Variants in DGKI observed in about 807,000 individuals in gnomAD.
The protein encoded by DGKI is diacylglycerol kinase iota.
Under a neutral mutation model 147.5 loss-of-function variants are expected in DGKI, and 55 were observed. The ratio of observed to expected loss-of-function variants is 0.37; its 90% CI spans 0.30 to 0.47. DGKI has a LOEUF of 0.47. DGKI is among the 20% of genes least tolerant of loss of function. DGKI has a pLI of 1.00. For synonymous variants in DGKI, 469 were observed against 477.1 expected (o/e 0.98, Z 0.22); for missense variants, 1,007 against 1,323.8 (o/e 0.76, Z 3.71).
At chr7:137,497,827 G>A (rs1010830800) in intron 21 of DGKI, among the ~76,000 whole-genome samples, 1 of 152,058 alleles carries the variant, frequency 6.6e-6, no homozygotes, top group Non-Finnish European at 1.5e-5. Context: ...GAGAAGGAAC[G>A]TGACAATCAA....
At chr7:137,706,971 TTCA>T (rs1179153881) in intron 1 of DGKI, among the ~76,000 whole-genome samples, 1 of 152,242 alleles carries the variant, frequency 6.6e-6, no homozygotes, top group Non-Finnish European at 1.5e-5. Flanking sequence ...GACTCTCAAC[TTCA>T]CTGATTATGA....
intron 21 of DGKI, among the ~76,000 whole-genome samples, chr7:137,498,742 T>A (rs1299688427): frequency 6.6e-6 from 1 of 152,140 alleles, no homozygotes; most frequent in Non-Finnish European, 1.5e-5. Flanking sequence ...TCTGCCCCAA[T>A]AAAGTTGAAT....
intron 1 of DGKI, among the ~76,000 whole-genome samples, chr7:137,731,393 G>A (rs998732705): frequency 2.0e-5 from 3 of 152,038 alleles, no homozygotes; most frequent in Non-Finnish European, 2.9e-5. Flanking sequence ...TCTTTCCCCA[G>A]TATGTAGGCA....
chr7:137,452,498 G>T (rs2128921171), intron 27 of DGKI, among the ~76,000 whole-genome samples: 1 of 152,296 alleles, frequency 6.6e-6, no homozygotes, highest in South Asian at 2.1e-4. Context: ...ACTCCTTATT[G>T]TGAAGTTCTT....
At chr7:137,537,252 TTA>T (rs1817551211) in intron 20 of DGKI, among the ~76,000 whole-genome samples, 1 of 152,096 alleles carries the variant, frequency 6.6e-6, no homozygotes. Flanking sequence ...GCTCAGAAGT[TTA>T]GAGAGCAAAT....
At chr7:137,624,901 C>T (rs530496624) in intron 6 of DGKI, among the ~76,000 whole-genome samples, 4 of 152,068 alleles carry the variant, frequency 2.6e-5, no homozygotes, top group East Asian at 3.9e-4. Context: ...CCATCTCGCC[C>T]GGCCTTCTCT....
chr7:137,703,112 T>G (rs1824038918), intron 1 of DGKI, among the ~76,000 whole-genome samples: 1 of 152,182 alleles, frequency 6.6e-6, no homozygotes, highest in South Asian at 2.1e-4. Flanking sequence ...TGACTCACAG[T>G]TCTGCAGGTT....
chr7:137,787,473 T>C (rs1012275760), intron 1 of DGKI, among the ~76,000 whole-genome samples: 1 of 152,160 alleles, frequency 6.6e-6, no homozygotes, highest in Non-Finnish European at 1.5e-5. Context: ...GTAATAGATG[T>C]TGGCATGGAT....
chr7:137,669,945 A>G (rs577673285), intron 3 of DGKI, among the ~76,000 whole-genome samples: 26 of 152,122 alleles, frequency 1.7e-4, no homozygotes, highest in Non-Finnish European at 2.8e-4. Context: ...GACTCCTAAG[A>G]TCCTACAAAA....
intron 1 of DGKI, among the ~76,000 whole-genome samples, chr7:137,703,038 G>T (rs1050049158): frequency 1.3e-5 from 2 of 152,142 alleles, no homozygotes; most frequent in African/African-American, 4.8e-5. Context: ...GTGGAAGACT[G>T]TTCTCACACT....
intron 23 of DGKI, among the ~76,000 whole-genome samples, chr7:137,470,293 T>G (rs1270149109): frequency 6.6e-6 from 1 of 152,166 alleles, no homozygotes. Flanking sequence ...TTCTATGACC[T>G]CCCAATTTCC....
At chr7:137,504,975 G>T (rs372071825) in intron 21 of DGKI, among the ~76,000 whole-genome samples, 3 of 151,922 alleles carry the variant, frequency 2.0e-5, no homozygotes, top group South Asian at 2.1e-4. Context: ...TGCAAAACAC[G>T]TATCTGATAA....
chr7:137,524,066 C>G (rs1277938180), intron 20 of DGKI, among the ~76,000 whole-genome samples: 1 of 151,384 alleles, frequency 6.6e-6, no homozygotes, highest in Non-Finnish European at 1.5e-5. Context: ...CTGATGATCT[C>G]TGTGTGCTGC....
intron 19 of DGKI, among the ~76,000 whole-genome samples, chr7:137,560,101 A>G (rs1563085394): frequency 6.6e-6 from 1 of 152,194 alleles, no homozygotes. Context: ...CCAGACCCAC[A>G]TACGATGTAT....
chr7:137,690,669 T>C (rs3800624), intron 1 of DGKI, among the ~76,000 whole-genome samples: 44,812 of 152,012 alleles, frequency 0.29, 7,173 homozygotes, highest in South Asian at 0.47. Context: ...GAGTGGAACA[T>C]AACAGAATTC....
intron 3 of DGKI, among the ~76,000 whole-genome samples, chr7:137,661,187 G>A (rs1822414774): frequency 6.6e-6 from 1 of 152,092 alleles, no homozygotes; most frequent in South Asian, 2.1e-4. Flanking sequence ...CTCGACAGGT[G>A]GAATCACCAG....
At chr7:137,516,948 A>G (rs73447400) in intron 21 of DGKI, among the ~76,000 whole-genome samples, 1,640 of 152,088 alleles carry the variant, frequency 0.011, 26 homozygotes, top group African/African-American at 0.038. Context: ...TTGTAAGTCT[A>G]TGGTGAAGGA....
At chr7:137,571,320 G>T (rs1416196132) in intron 18 of DGKI, 34 bp from the exon 19 acceptor site, 6 of 1,451,716 alleles carry the variant, frequency 4.1e-6, no homozygotes, top group Non-Finnish European at 5.8e-6. Context: ...AAGTAAATAT[G>T]TCCCATCCTT....
intron 19 of DGKI, among the ~76,000 whole-genome samples, chr7:137,569,571 AC>A (rs1818713778): frequency 6.6e-6 from 1 of 151,472 alleles, no homozygotes; most frequent in Non-Finnish European, 1.5e-5. Context: ...TACTAAAAAT[AC>A]AAAAAAATTA....
Sources: allele counts gnomAD v4.1 joint callset (sites outside exome capture counted in the v4.1 genomes callset), GRCh38; gene constraint gnomAD v4.1.1; transcripts MANE v1.5; gene names NCBI Gene and HGNC (gene_info 2026-07-23, HGNC 2026-07-21).